WTIP: variants seen among roughly 807,000 people sequenced by gnomAD.
WTIP encodes the protein WT1 interacting protein, also known as Wilms tumor protein 1-interacting protein.
In WTIP, 23 loss-of-function variants were observed where a neutral mutation model predicts 41.7. The ratio of observed to expected loss-of-function variants is 0.55; its 90% CI spans 0.40 to 0.78. The LOEUF is 0.78. Among genes scored for constraint, WTIP ranks in the 30% least tolerant of loss-of-function variants. The probability of loss-of-function intolerance (pLI) is 0.00; values close to 1 mark genes in which losing one functional copy is unlikely to be tolerated. For synonymous variants in WTIP, 314 were observed against 269.9 expected (o/e 1.16, Z -1.60); for missense variants, 619 against 610.5 (o/e 1.01, Z -0.15).
At position 34,508,041 on chromosome 19, in the gene WTIP, G is replaced by T. The variant is rs2075919712; in HGVS notation, c.*7772G>T. ...TGGTTGAAATCTCAGGTCCTCTAAG[G>T]ATCCCTCCTCATTCTCTGTTAGTGT... is the stretch of plus-strand genomic sequence containing the variant. On this transcript the variant is annotated 3_prime_UTR_variant, in exon 8 of 8. Transcript: ENST00000590071. 2.0e-5 allele frequency: 3 copies of T among 152,076 alleles called. No homozygotes were observed. In the South Asian group the frequency reaches 6.2e-4, roughly 32 times the overall value. 9.4% of individuals were successfully genotyped at this position (152,076 alleles called of 1,614,324 possible).
At position 34,482,361 on chromosome 19, in the gene WTIP, TC is replaced by T; in HGVS notation, c.390del (p.Gly131ValfsTer170). On this transcript the variant is annotated frameshift_variant, in exon 1 of 8. Coordinates refer to ENST00000590071, the MANE Select transcript of WTIP (RefSeq NM_001080436.2). LOFTEE classifies it high-confidence loss of function. The stretch of plus-strand genomic sequence containing the variant: ...CGCGCTCCGGTCGCTCGGACCCGCG[TC>T]CCGGTCCCGGGCCGCCTTCGGTGGG... ...SPRSGRSDPR[P>X]GPGPPSVGSA... 7.3e-7 allele frequency: 1 copy of T among 1,372,612 alleles called. No homozygotes were observed. The highest frequency in any genetic ancestry group is 9.4e-7 in the Non-Finnish European group (1 of 1,058,370). The allele number at this position is 1,372,612 out of a possible 1,614,324, so 85.0% of individuals were successfully genotyped here. A position where few individuals can be genotyped will look rare whatever the true frequency, so the allele number is the denominator to read the frequency against.
At chr19:34,483,917 CTTTTTTTTTTTTTT>C (rs61308943) in intron 1 of WTIP, among the ~76,000 whole-genome samples, 2 of 66,842 alleles carry the variant, frequency 3.0e-5, no homozygotes, top group East Asian at 4.2e-4. Flanking sequence ...TGAACTGGAT[CTTTTTTTTTTTTTT>C]TTTTTTTTTT....
chr19:34,484,935 TAAAA>T (rs34263232), intron 1 of WTIP, among the ~76,000 whole-genome samples: 2 of 115,522 alleles, frequency 1.7e-5, no homozygotes, highest in Non-Finnish European at 3.6e-5. Context: ...GTCTTTTCTT[TAAAA>T]AAAAAAAAAA....
intron 7 of WTIP, among the ~76,000 whole-genome samples, chr19:34,499,521 C>G (rs759445808): frequency 6.6e-6 from 1 of 152,076 alleles, no homozygotes; most frequent in Admixed American, 6.5e-5. Flanking sequence ...CAACAACAAA[C>G]GAATAAACAA....
intron 7 of WTIP, among the ~76,000 whole-genome samples, chr19:34,497,103 T>C (rs991166219): frequency 1.3e-5 from 2 of 152,128 alleles, no homozygotes; most frequent in African/African-American, 4.8e-5. Flanking sequence ...CTTCAAGTGA[T>C]CCACCCGCCT....
intron 7 of WTIP, among the ~76,000 whole-genome samples, chr19:34,498,375 C>T (rs975656901): frequency 3.9e-5 from 6 of 152,166 alleles, no homozygotes; most frequent in Non-Finnish European, 5.9e-5. Flanking sequence ...CACTTCCTTC[C>T]GGGCCCCCCA....
rs1672096303 is a variant in WTIP, at chr19:34,506,895, G to A, written c.*6626G>A. ...TGGTTTGGTTTGAAGGTAAGAAAGA[G>A]CGGGAGAAACTTTGCTCTTTTCATT... On this transcript the variant is annotated 3_prime_UTR_variant, in exon 8 of 8. Coordinates refer to ENST00000590071, the MANE Select transcript of WTIP (RefSeq NM_001080436.2). The A allele has an allele frequency of 6.6e-6, 1 of 152,084 alleles. No individual in the cohort carries two copies. Among genetic ancestry groups the A allele is most frequent in the Admixed American group, 6.6e-5 (1 of 15,246 alleles). The allele number at this position is 152,084 out of a possible 1,614,324, so 9.4% of individuals were successfully genotyped here.
intron 2 of WTIP, among the ~76,000 whole-genome samples, chr19:34,491,026 C>T (rs1353058865): frequency 6.6e-6 from 1 of 151,130 alleles, no homozygotes; most frequent in African/African-American, 2.4e-5. Flanking sequence ...TGGGGTTTTA[C>T]CATGTTGGCC....
chr19:34,500,220 T>C lies in WTIP; in HGVS notation c.1244T>C (p.Leu415Pro). The C allele has an allele frequency of 6.2e-7, 1 of 1,607,282 alleles. No individual in the cohort carries two copies. ...LLCRRCHLRR[L>P]QPGPLPSPTV... ...TGTCGTCGTTGCCACCTGCGGCGCC[T>C]CCAACCTGGGCCTCTTCCCTCACCC... Residue 415 changes from leucine (L) to proline (P), a missense_variant, in exon 8 of 8, where the codon CTC (leucine) becomes CCC (proline). This residue lies in a region of WTIP where 92 missense variants were observed against 82.4 expected (regional missense o/e 1.12). Coordinates refer to ENST00000590071, the MANE Select transcript of WTIP (RefSeq NM_001080436.2).
At position 34,504,860 on chromosome 19, in the gene WTIP, CAGCA is replaced by C. The variant is rs1310387987; in HGVS notation, c.*4594_*4597del. On this transcript the variant is annotated 3_prime_UTR_variant, in exon 8 of 8. Transcript: ENST00000590071. ...GGCAGCCCTCATCTGGCCAGGAGGC[CAGCA>C]AGGACTTCCGGTGCCACACTCGGGA... 6.6e-6 allele frequency: 1 copy of C among 152,340 alleles called. No homozygotes were observed. The highest frequency in any genetic ancestry group is 6.5e-5 in the Admixed American group (1 of 15,286). 9.4% of individuals were successfully genotyped at this position (152,340 alleles called of 1,614,324 possible). A position where few individuals can be genotyped will look rare whatever the true frequency, so the allele number is the denominator to read the frequency against.
Position 34,493,618 on chromosome 19 carries a change from C to A in WTIP, c.1027C>A (p.His343Asn). 1 of 1,613,376 alleles carries A rather than the reference C, an allele frequency of 6.2e-7. No homozygotes were observed. Among genetic ancestry groups the A allele is most frequent in the Non-Finnish European group, 8.5e-7 (1 of 1,179,878 alleles). Reference sequence around the variant, plus strand: ...CAACATCTACTGCGTGCGAGACTATCACACGTGAGTTGCTGGTGCTGTGGA... The same window carrying A: ...CAACATCTACTGCGTGCGAGACTATAACACGTGAGTTGCTGGTGCTGTGGA... ...ENNIYCVRDYHTVFAPKCASC... is the reference protein window; with the variant it reads ...ENNIYCVRDYNTVFAPKCASC... Residue 343 changes from histidine to asparagine, a missense_variant, in exon 5 of 8, where the codon CAC (histidine) becomes AAC (asparagine). His to Asn is a moderately conservative substitution (Grantham distance 68, BLOSUM62 1). This residue lies in a region of WTIP where 164 missense variants were observed against 219.1 expected (regional missense o/e 0.75). Coordinates refer to ENST00000590071, the MANE Select transcript of WTIP (RefSeq NM_001080436.2). The surrounding 1 kb of genome is among the most constrained non-coding windows in gnomAD (Gnocchi z 4.1).
In WTIP at chr19:34,482,518, C is replaced by T; in HGVS notation, c.544C>T (p.Leu182=). ...GCCTGCGGGGCCGGCTCCCTTCCCGCTGCCTGCACTCCCGCTGCCCCCTGG... is the reference window on the plus strand; with the variant it reads ...GCCTGCGGGGCCGGCTCCCTTCCCGTTGCCTGCACTCCCGCTGCCCCCTGG... The part of the protein sequence containing the change: ...PEPAGPAPFP[L]PALPLPPGRE... Residue 182 remains leucine (L), a synonymous_variant, in exon 1 of 8, where the codon CTG becomes TTG. Coordinates refer to ENST00000590071, the MANE Select transcript of WTIP (RefSeq NM_001080436.2). 8.1e-7 allele frequency: 1 copy of T among 1,230,520 alleles called. No homozygotes were observed. The highest frequency in any genetic ancestry group is 3.7e-5 in the South Asian group (1 of 26,892). 76.2% of individuals were successfully genotyped at this position (1,230,520 alleles called of 1,614,324 possible).
At chr19:34,482,744 C>A in intron 1 of WTIP, 103 bp downstream of exon 1, 1 of 1,200,684 alleles carries the variant, frequency 8.3e-7, no homozygotes, top group East Asian at 3.4e-5. Flanking sequence ...GAGCACGGGG[C>A]TGGCTGGGGG....
intron 1 of WTIP, 53 bp from the exon 2 acceptor site, chr19:34,490,323 G>A (rs1039261426): frequency 2.6e-6 from 4 of 1,557,872 alleles, no homozygotes; most frequent in Admixed American, 3.4e-5. Flanking sequence ...GTCCGTCGGT[G>A]TGGCATAGGC....
chr19:34,490,528 A>G (rs1439317291), intron 2 of WTIP, 51 bp downstream of exon 2: 13 of 1,554,312 alleles, frequency 8.4e-6, no homozygotes, highest in African/African-American at 1.4e-5. Flanking sequence ...CTGCCACATC[A>G]TCCCCATTCC....
intron 1 of WTIP, among the ~76,000 whole-genome samples, chr19:34,484,761 T>C (rs2075788990): frequency 6.6e-6 from 1 of 151,588 alleles, no homozygotes; most frequent in Non-Finnish European, 1.5e-5. Flanking sequence ...TGGTGGCACA[T>C]TTTTTTTCTG....
intron 1 of WTIP, among the ~76,000 whole-genome samples, chr19:34,483,289 G>A (rs1273646034): frequency 2.0e-5 from 3 of 150,610 alleles, no homozygotes; most frequent in Admixed American, 6.6e-5. Context: ...CTCCCAAGGT[G>A]CTAGGATTAC....
chr19:34,486,608 T>C (rs764354236), intron 1 of WTIP, among the ~76,000 whole-genome samples: 3 of 152,122 alleles, frequency 2.0e-5, no homozygotes, highest in Middle Eastern at 3.2e-3. Flanking sequence ...CCTCGTGATC[T>C]GCCCACCTTG....
chr19:34,495,537 A>C (rs1202520707), intron 6 of WTIP, among the ~76,000 whole-genome samples, 166 bp from the exon 7 acceptor site: 2 of 152,122 alleles, frequency 1.3e-5, no homozygotes. Context: ...GTGTGTGTGC[A>C]CCTGCTGGAG....
Sources: gnomAD v4.1 joint callset for allele counts (sites outside exome capture counted in the v4.1 genomes callset) on GRCh38, gnomAD v4.1.1 for gene constraint, gnomAD v4.1.1 regional missense constraint, Gnocchi (gnomAD v3.1) non-coding constraint, MANE v1.5 for transcripts, NCBI Gene and HGNC (gene_info 2026-07-23, HGNC 2026-07-21) for gene names.